Variants in RALGAPB observed in about 807,000 individuals in gnomAD.
RALGAPB encodes the protein Ral GTPase activating protein non-catalytic subunit beta.
In RALGAPB, 25 loss-of-function variants were observed where a neutral mutation model predicts 161.1. The ratio of observed to expected loss-of-function variants is 0.16; its 90% CI spans 0.11 to 0.22. RALGAPB has a LOEUF of 0.22. Among genes scored for constraint, RALGAPB ranks in the 10% least tolerant of loss-of-function variants. RALGAPB has a pLI of 1.00. For missense variants in RALGAPB, 1,391 were observed against 1,815.2 expected, an observed-to-expected ratio of 0.77 and a Z score of 4.25; for synonymous variants, 629 against 626.1, an observed-to-expected ratio of 1.00 and a Z score of -0.07.
chr20:38,525,379 C>G, intron 11 of RALGAPB, 25 bp from the exon 12 acceptor site: 1 of 1,504,618 alleles, frequency 6.6e-7, no homozygotes, highest in South Asian at 1.2e-5. Context: ...TTCAAAAATA[C>G]TAATAGCTTT....
intron 11 of RALGAPB, 66 bp downstream of exon 11, chr20:38,525,011 C>T (rs968907740): frequency 1.0e-5 from 15 of 1,451,640 alleles, no homozygotes; most frequent in Middle Eastern, 1.8e-4. Flanking sequence ...GTGCTTCCTC[C>T]CCAGTTTCCT....
intron 5 of RALGAPB, among the ~76,000 whole-genome samples, chr20:38,500,454 A>AAG (rs2085553981): frequency 1.3e-5 from 2 of 152,192 alleles, no homozygotes; most frequent in Admixed American, 1.3e-4. Flanking sequence ...TACTACACCT[A>AAG]TATAAAATGG....
intron 5 of RALGAPB, among the ~76,000 whole-genome samples, chr20:38,501,533 A>C (rs1197637686): frequency 6.6e-6 from 1 of 152,108 alleles, no homozygotes; most frequent in African/African-American, 2.4e-5. Context: ...CTCCCGAATA[A>C]CTGGGATTAC....
intron 4 of RALGAPB, among the ~76,000 whole-genome samples, chr20:38,498,069 C>CAA (rs11481813): frequency 0.015 from 1,793 of 123,494 alleles, 28 homozygotes; most frequent in African/African-American, 0.033. Context: ...GACTCTGTCT[C>CAA]AAAAAAAAAA....
chr20:38,566,901 G>T (rs1601079243), intron 25 of RALGAPB, among the ~76,000 whole-genome samples, 195 bp from the exon 26 acceptor site: 3 of 152,342 alleles, frequency 2.0e-5, no homozygotes, highest in African/African-American at 7.2e-5. Flanking sequence ...GAATATGCGA[G>T]AGATCTGTAT....
At chr20:38,567,339 C>A in intron 26 of RALGAPB, 107 bp downstream of exon 26, 3 of 1,382,180 alleles carry the variant, frequency 2.2e-6, no homozygotes, top group Admixed American at 2.7e-5. Flanking sequence ...TATCAGAGTA[C>A]TGATTCCTTA....
chr20:38,548,803 T>A lies in RALGAPB; in HGVS notation c.3009+8T>A. ...GCAAAAGCAAATCAGAAGGTATTCA[T>A]CAGAAGTTACAGGGAAGTGTGTGTG... is the stretch of plus-strand genomic sequence containing the variant. On this transcript the variant is annotated splice_region_variant and intron_variant, in intron 20 of 29. Transcript: ENST00000262879. The A allele has an allele frequency of 6.3e-7, 1 of 1,593,934 alleles. No individual in the cohort carries two copies. Among genetic ancestry groups the A allele is most frequent in the South Asian group, 1.1e-5 (1 of 90,696 alleles).
At chr20:38,521,729 AT>A (rs748209617) in intron 10 of RALGAPB, 31 bp downstream of exon 10, 3 of 1,608,480 alleles carry the variant, frequency 1.9e-6, no homozygotes, top group Admixed American at 3.4e-5. Flanking sequence ...TTTTTCATTT[AT>A]ATAGTTTTGA....
At chr20:38,552,942 A>G (rs758967303) in intron 21 of RALGAPB, among the ~76,000 whole-genome samples, 8 of 152,138 alleles carry the variant, frequency 5.3e-5, no homozygotes, top group Non-Finnish European at 1.2e-4. Flanking sequence ...AATGTGCTTA[A>G]GGAGAGGGTA....
At chr20:38,550,097 G>A (rs933468684) in intron 20 of RALGAPB, among the ~76,000 whole-genome samples, 1 of 152,122 alleles carries the variant, frequency 6.6e-6, no homozygotes, top group African/African-American at 2.4e-5. Context: ...TGAACAGTGG[G>A]AACACATGGA....
intron 9 of RALGAPB, among the ~76,000 whole-genome samples, chr20:38,519,942 G>C (rs911664476): frequency 1.3e-5 from 2 of 152,108 alleles, no homozygotes; most frequent in Admixed American, 1.3e-4. Flanking sequence ...CATTGAGCTG[G>C]GAAGGGTTAA....
At chr20:38,564,041 A>G (rs954920463) in intron 24 of RALGAPB, among the ~76,000 whole-genome samples, 2 of 152,194 alleles carry the variant, frequency 1.3e-5, no homozygotes, top group Non-Finnish European at 2.9e-5. Flanking sequence ...GAAAGATAGA[A>G]TGACTCTGGT....
chr20:38,565,524 T>C (rs375412850), intron 25 of RALGAPB, 46 bp downstream of exon 25: 2 of 1,593,624 alleles, frequency 1.3e-6, no homozygotes, highest in African/African-American at 2.7e-5. Flanking sequence ...TATTTTTATA[T>C]TCCTGGGTTG....
chr20:38,509,133 A>G lies in RALGAPB; in HGVS notation c.797A>G (p.Asp266Gly), dbSNP rs1256196257. 1 of 1,613,446 alleles carries G rather than the reference A, an allele frequency of 6.2e-7. No individual in the cohort carries two copies. The change falls in exon 6 of 30, where the codon GAT (aspartate) becomes GGT (glycine). Residue 266 changes from aspartate (D) to glycine (G), a missense_variant. Asp to Gly is a moderately conservative substitution (Grantham distance 94). This residue lies in a region of RALGAPB where 946 missense variants were observed against 1,257.2 expected (regional missense o/e 0.75). Transcript: ENST00000262879. ...SFPAFKVPDE[D>G]ASLIPPEMDN... ...CCTGCATTTAAAGTTCCCGATGAAGATGCCAGTCTGATCCCTCCAGAAATG... is the reference window on the plus strand; with the variant it reads ...CCTGCATTTAAAGTTCCCGATGAAGGTGCCAGTCTGATCCCTCCAGAAATG...
chr20:38,535,720 G>A (rs1011207147), intron 16 of RALGAPB, among the ~76,000 whole-genome samples: 1 of 152,082 alleles, frequency 6.6e-6, no homozygotes, highest in African/African-American at 2.4e-5. Context: ...AACTAGCTGG[G>A]ATTACAGGCA....
At chr20:38,484,736 C>T (rs1451044429) in intron 1 of RALGAPB, among the ~76,000 whole-genome samples, 1 of 152,152 alleles carries the variant, frequency 6.6e-6, no homozygotes. Flanking sequence ...GCTCTTGTTG[C>T]CCAGGCTGGA....
chr20:38,546,204 G>A (rs767317981), intron 18 of RALGAPB, 39 bp from the exon 19 acceptor site: 1 of 1,610,778 alleles, frequency 6.2e-7, no homozygotes, highest in South Asian at 1.1e-5. Context: ...TGAAGATTTT[G>A]CTTTGGGAAT....
At chr20:38,493,201 T>A in intron 3 of RALGAPB, 69 bp downstream of exon 3, 1 of 1,266,884 alleles carries the variant, frequency 7.9e-7, no homozygotes, top group Non-Finnish European at 1.1e-6. Context: ...GTTACTATAG[T>A]ATAGGAGCTG....
At chr20:38,543,446 C>T (rs1321140002) in intron 18 of RALGAPB, among the ~76,000 whole-genome samples, 1 of 152,174 alleles carries the variant, frequency 6.6e-6, no homozygotes, top group African/African-American at 2.4e-5. Context: ...GCCCTATTTT[C>T]GATCTCTTAG....
Sources: gnomAD v4.1 joint callset for allele counts (sites outside exome capture counted in the v4.1 genomes callset) on GRCh38, gnomAD v4.1.1 for gene constraint, gnomAD v4.1.1 regional missense constraint, MANE v1.5 for transcripts, NCBI Gene and HGNC (gene_info 2026-07-23, HGNC 2026-07-21) for gene names.